Variants in TMEM265 observed in about 807,000 individuals in gnomAD.
TMEM265 encodes transmembrane protein 265.
A neutral mutation model predicts 9.5 loss-of-function variants in TMEM265; 8 were observed. That is an observed-to-expected ratio of 0.84 (90% CI 0.49 to 1.52). TMEM265 has a LOEUF of 1.52. Among genes scored for constraint, TMEM265 ranks in the 40% most tolerant of loss-of-function variants. TMEM265 has a pLI of 0.00. For synonymous variants in TMEM265, 53 were observed against 56.9 expected (o/e 0.93, Z 0.31); for missense variants, 152 against 146.2 (o/e 1.04, Z -0.21).
At chr16:30,741,635 C>T in intron 1 of TMEM265, 106 bp from the exon 2 acceptor site, 7 of 1,255,464 alleles carry the variant, frequency 5.6e-6, no homozygotes, top group Non-Finnish European at 7.5e-6. Flanking sequence ...TCCTGAGTGC[C>T]AGGCTAGGCC....
At chr16:30,741,256 G>C (rs2053221992) in intron 1 of TMEM265, 2 of 152,542 alleles carry the variant, frequency 1.3e-5, no homozygotes, top group Admixed American at 1.3e-4. Flanking sequence ...TCCCATAACT[G>C]TTTTCATGTA....
intron 2 of TMEM265, among the ~76,000 whole-genome samples, chr16:30,742,815 A>G (rs556426298): frequency 0.013 from 1,999 of 151,864 alleles, 50 homozygotes; most frequent in African/African-American, 0.045. Context: ...AATCCCAGCT[A>G]CTGGGGAGGC....
Position 30,744,001 on chromosome 16 carries a change from T to C in TMEM265, c.*58T>C, listed in dbSNP as rs994628306. 1 of 1,493,888 alleles carries C rather than the reference T, an allele frequency of 6.7e-7. No homozygotes were observed. Among genetic ancestry groups the C allele is most frequent in the Non-Finnish European group, 8.9e-7 (1 of 1,122,508 alleles). The allele number at this position is 1,493,888 out of a possible 1,614,324, so 92.5% of individuals were successfully genotyped here. A position where few individuals can be genotyped will look rare whatever the true frequency, so the allele number is the denominator to read the frequency against. Reference sequence around the variant, plus strand: ...ACCTCCTGGATCCTGCAATGCGGCATTGCTAAGGTCCTGTGACAGCAGTGG... The same window carrying C: ...ACCTCCTGGATCCTGCAATGCGGCACTGCTAAGGTCCTGTGACAGCAGTGG... On this transcript the variant is annotated 3_prime_UTR_variant, in exon 3 of 3. Coordinates refer to ENST00000615541, the MANE Select transcript of TMEM265 (RefSeq NM_001256829.2).
At chr16:30,742,543 G>A (rs1344816397) in intron 2 of TMEM265, among the ~76,000 whole-genome samples, 1 of 152,192 alleles carries the variant, frequency 6.6e-6, no homozygotes, top group African/African-American at 2.4e-5. Flanking sequence ...AAGGCTGGAG[G>A]CCGCTGAACG....
rs1215767679 is a variant in TMEM265, at chr16:30,744,765, C to T, written c.*822C>T. The T allele has an allele frequency of 1.3e-5, 2 of 152,188 alleles. No individual in the cohort carries two copies. The highest frequency in any genetic ancestry group is 2.9e-5 in the Non-Finnish European group (2 of 68,048). 9.4% of individuals were successfully genotyped at this position (152,188 alleles called of 1,614,324 possible). A position where few individuals can be genotyped will look rare whatever the true frequency, so the allele number is the denominator to read the frequency against. On this transcript the variant is annotated 3_prime_UTR_variant, in exon 3 of 3. Transcript: ENST00000615541. The stretch of plus-strand genomic sequence containing the variant: ...CTAAATGGTAGAGCTGAGACTGAAC[C>T]CAGACAGTTTGGTTCCAGAGCTGAG...
rs1305862792 is a variant in TMEM265 at position 30,743,819 on chromosome 16, C to T, written c.203C>T (p.Ala68Val). 1.6e-5 allele frequency: 24 copies of T among 1,533,492 alleles called. No homozygotes were observed. Among genetic ancestry groups the T allele is most frequent in the Non-Finnish European group, 2.1e-5 (24 of 1,146,522 alleles). The allele number at this position is 1,533,492 out of a possible 1,614,324, so 95.0% of individuals were successfully genotyped here. ...ERHKAGRSEE[A>V]VRWGARARKL... ...CATAAAGCAGGCCGGTCCGAGGAGG[C>T]AGTGCGCTGGGGGGCCCGGGCCCGG... Residue 68 changes from alanine to valine, a missense_variant, in exon 3 of 3, where the codon GCA (alanine) becomes GTA (valine). Coordinates refer to ENST00000615541, the MANE Select transcript of TMEM265 (RefSeq NM_001256829.2).
chr16:30,743,354 C>G (rs773518153), intron 2 of TMEM265, among the ~76,000 whole-genome samples: 5 of 151,792 alleles, frequency 3.3e-5, no homozygotes, highest in Non-Finnish European at 7.4e-5. Context: ...GCACTCCAGC[C>G]TGGGTGACAG....
At chr16:30,743,718 T>C in intron 2 of TMEM265, 64 bp from the exon 3 acceptor site, 2 of 1,432,104 alleles carry the variant, frequency 1.4e-6, no homozygotes, top group Non-Finnish European at 1.8e-6. Context: ...GGGAGCGGAG[T>C]GGGGAAATGG....
At chr16:30,742,344 T>A (rs1383301760) in intron 2 of TMEM265, among the ~76,000 whole-genome samples, 1 of 151,990 alleles carries the variant, frequency 6.6e-6, no homozygotes, top group East Asian at 1.9e-4. Context: ...CAGTGAGGAA[T>A]AGTGAGAGAT....
chr16:30,741,948 A>G, intron 2 of TMEM265, 40 bp downstream of exon 2: 1 of 1,521,314 alleles, frequency 6.6e-7, no homozygotes, highest in Non-Finnish European at 8.8e-7. Flanking sequence ...GGTGGGTATA[A>G]GGCAATGGTT....
chr16:30,743,872 T>A lies in TMEM265; in HGVS notation c.256T>A (p.Trp86Arg). 1 of 1,533,970 alleles carries A rather than the reference T, an allele frequency of 6.5e-7. No homozygotes were observed. The highest frequency in any genetic ancestry group is 8.7e-7 in the Non-Finnish European group (1 of 1,146,716). The change falls in exon 3 of 3, where the codon TGG (tryptophan) becomes AGG (arginine). Residue 86 changes from tryptophan to arginine, a missense_variant. Trp to Arg is a moderately radical substitution (Grantham distance 101, BLOSUM62 -3). Coordinates refer to ENST00000615541, the MANE Select transcript of TMEM265 (RefSeq NM_001256829.2). The part of the protein sequence containing the change: ...RKLILASFAV[W>R]LAVLILGPLL... ...ACTCATCCTGGCCAGCTTTGCTGTCTGGCTTGCTGTCCTCATTCTGGGTCC... is the reference window on the plus strand; with the variant it reads ...ACTCATCCTGGCCAGCTTTGCTGTCAGGCTTGCTGTCCTCATTCTGGGTCC...
chr16:30,741,969 G>C, intron 2 of TMEM265, 61 bp downstream of exon 2: 2 of 1,481,928 alleles, frequency 1.3e-6, no homozygotes, highest in Non-Finnish European at 1.8e-6. Flanking sequence ...TCATGTATCT[G>C]ATCTATCTAC....
At chr16:30,742,166 G>A (rs1400516861) in intron 2 of TMEM265, among the ~76,000 whole-genome samples, 2 of 152,168 alleles carry the variant, frequency 1.3e-5, no homozygotes, top group African/African-American at 4.8e-5. Context: ...GGGAGCCAGG[G>A]AAGATCTATG....
intron 1 of TMEM265, 54 bp downstream of exon 1, chr16:30,740,761 T>G (rs2053216299): frequency 6.6e-6 from 1 of 152,362 alleles, no homozygotes; most frequent in African/African-American, 2.4e-5. Context: ...GCCCTCCTTG[T>G]GTCCTCCTGT....
intron 2 of TMEM265, among the ~76,000 whole-genome samples, chr16:30,743,369 G>C (rs181198010): frequency 4.6e-5 from 7 of 151,760 alleles, no homozygotes; most frequent in Admixed American, 1.3e-4. Flanking sequence ...TGACAGGAGT[G>C]AAACTGTCTC....
intron 1 of TMEM265, chr16:30,741,115 T>G (rs1218592750): frequency 6.6e-6 from 1 of 152,272 alleles, no homozygotes; most frequent in Non-Finnish European, 1.5e-5. Flanking sequence ...TGGGTTAAAT[T>G]GGAGAGAGGA....
At position 30,744,185 on chromosome 16, in the gene TMEM265, G is replaced by C. The variant is rs2053242487; in HGVS notation, c.*242G>C. ...CCCCACCCCCATCTCCCCTACCCTA[G>C]CCCACCCTAGGGCCTCTACCCAGCG... On this transcript the variant is annotated 3_prime_UTR_variant, in exon 3 of 3. Coordinates refer to ENST00000615541, the MANE Select transcript of TMEM265 (RefSeq NM_001256829.2). 2.4e-6 allele frequency: 1 copy of C among 418,958 alleles called. No homozygotes were observed. The highest frequency in any genetic ancestry group is 4.2e-6 in the Non-Finnish European group (1 of 238,004). 26.0% of individuals were successfully genotyped at this position (418,958 alleles called of 1,614,324 possible). A position where few individuals can be genotyped will look rare whatever the true frequency, so the allele number is the denominator to read the frequency against.
rs1229272156 is a variant in TMEM265, at chr16:30,741,863, T to C, written c.120T>C (p.Cys40=). 2.0e-6 allele frequency: 3 copies of C among 1,533,956 alleles called. No individual in the cohort carries two copies. In the East Asian group the frequency reaches 7.3e-5, roughly 37 times the overall value. Residue 40 remains cysteine (C), a synonymous_variant, in exon 2 of 3, where the codon TGT becomes TGC. Transcript: ENST00000615541. ...LRCLAATSII[C]GCSCLGVMAL... is the part of the protein sequence containing the mutation. ...GCTTGGCAGCTACTAGCATTATCTG[T>C]GGCTGCTCTTGCCTGGGAGTCATGG... is the stretch of plus-strand genomic sequence containing the variant.
intron 2 of TMEM265, among the ~76,000 whole-genome samples, chr16:30,742,537 C>G (rs550006500): frequency 2.6e-5 from 4 of 152,284 alleles, no homozygotes. Context: ...GGGGGCAAGG[C>G]TGGAGGCCGC....
Sources: gnomAD v4.1 joint callset for allele counts (sites outside exome capture counted in the v4.1 genomes callset) on GRCh38, gnomAD v4.1.1 for gene constraint, MANE v1.5 for transcripts, NCBI Gene and HGNC (gene_info 2026-07-23, HGNC 2026-07-21) for gene names.